The following DLGAP1 variants were observed in gnomAD, a reference collection of about 807,000 sequenced individuals.
DLGAP1 encodes disks large-associated protein 1.
A neutral mutation model predicts 90.8 loss-of-function variants in DLGAP1; 11 were observed. The observed-to-expected ratio is 0.12, with a 90% CI of 0.08 to 0.20. DLGAP1 has a LOEUF of 0.20. Among genes scored for constraint, DLGAP1 ranks in the 10% least tolerant of loss-of-function variants. The probability of loss-of-function intolerance (pLI) is 1.00; values close to 1 mark genes in which losing one functional copy is unlikely to be tolerated. For missense variants in DLGAP1, 1,050 were observed against 1,333.8 expected, an observed-to-expected ratio of 0.79 and a Z score of 3.31; for synonymous variants, 558 against 540.7, an observed-to-expected ratio of 1.03 and a Z score of -0.44.
At chr18:4,412,970 A>G (rs2082812114) in intron 1 of DLGAP1, among the ~76,000 whole-genome samples, 1 of 152,182 alleles carries the variant, frequency 6.6e-6, no homozygotes, top group African/African-American at 2.4e-5. Context: ...ATGCTATTAC[A>G]GAGCGCCAAG....
intron 11 of DLGAP1, among the ~76,000 whole-genome samples, chr18:3,504,722 A>G (rs886193134): frequency 5.3e-5 from 8 of 152,084 alleles, no homozygotes; most frequent in African/African-American, 1.9e-4. Flanking sequence ...ATAATGGGCA[A>G]CTCGTTCCCT....
At chr18:4,135,541 T>C (rs1422387987) in intron 2 of DLGAP1, among the ~76,000 whole-genome samples, 1 of 152,186 alleles carries the variant, frequency 6.6e-6, no homozygotes, top group Non-Finnish European at 1.5e-5. Context: ...AGCTTGATAG[T>C]GTTATTCATT....
intron 2 of DLGAP1, among the ~76,000 whole-genome samples, chr18:4,065,139 TA>T (rs1016669108): frequency 1.6e-4 from 25 of 151,916 alleles, no homozygotes; most frequent in South Asian, 4.1e-4. Context: ...CCATTCATGT[TA>T]AAAAAAATCT....
At chr18:4,395,446 C>T (rs2082420295) in intron 1 of DLGAP1, among the ~76,000 whole-genome samples, 1 of 152,052 alleles carries the variant, frequency 6.6e-6, no homozygotes. Flanking sequence ...TAGCATCTAC[C>T]TCAGTACGAG....
intron 6 of DLGAP1, among the ~76,000 whole-genome samples, chr18:3,735,467 T>A: frequency 6.6e-6 from 1 of 152,106 alleles, no homozygotes; most frequent in Non-Finnish European, 1.5e-5. Flanking sequence ...TCATGATCCA[T>A]CCAACTGAGG....
At chr18:4,221,899 A>C (rs2078085201) in intron 1 of DLGAP1, among the ~76,000 whole-genome samples, 1 of 152,178 alleles carries the variant, frequency 6.6e-6, no homozygotes, top group African/African-American at 2.4e-5. Flanking sequence ...GCAGCATTTC[A>C]AATAGTTGAT....
Position 4,306,043 on chromosome 18 carries a change from C to CACACAT in DLGAP1, c.-267+148962_-267+148963insATGTGT, listed in dbSNP as rs1249407709. On this transcript the variant is annotated intron_variant, in intron 1 of 12. Transcript: ENST00000315677. ...ACAGACACACACAAATACACACACA[C>CACACAT]ACACACACACACACACACACACGGG... Among the ~76,000 whole-genome samples the CACACAT allele has an allele frequency of 1.5e-4, 3 of 19,406 alleles. No individual in the cohort carries two copies. The Admixed American group carries it at 3.4e-3, about 22-fold the overall frequency. The allele number at this position is 19,406 out of a possible 152,430, so 12.7% of individuals were successfully genotyped here.
At chr18:3,924,406 T>G (rs955022971) in intron 3 of DLGAP1, among the ~76,000 whole-genome samples, 1 of 152,192 alleles carries the variant, frequency 6.6e-6, no homozygotes, top group African/African-American at 2.4e-5. Context: ...CACCCTATTC[T>G]CTCATGAAGC....
At chr18:3,912,610 T>C (rs561921372) in intron 3 of DLGAP1, among the ~76,000 whole-genome samples, 57 of 152,116 alleles carry the variant, frequency 3.7e-4, no homozygotes, top group African/African-American at 1.3e-3. Context: ...ATACATAAAA[T>C]AAATATCTGG....
chr18:3,681,995 G>A (rs2060528992), intron 7 of DLGAP1, among the ~76,000 whole-genome samples: 2 of 151,850 alleles, frequency 1.3e-5, no homozygotes, highest in South Asian at 4.1e-4. Context: ...GCACATGCCT[G>A]TAATCCCAGC....
rs556986754 is a variant in DLGAP1, at chr18:4,372,698, G to A, written c.-267+82308C>T. 1.8e-4 allele frequency among the ~76,000 whole-genome samples: 28 copies of A among 152,190 alleles called. 1 individual carries two copies. In the South Asian group the frequency reaches 5.6e-3, roughly 30 times the overall value. On this transcript the variant is annotated intron_variant, in intron 1 of 12. Transcript: ENST00000315677. ...TCCCAGCACTTTGGGAGGGTGAGGCGGGTGGATCACTTGAGGTCAAGGGTT... is the reference window on the plus strand; with the variant it reads ...TCCCAGCACTTTGGGAGGGTGAGGCAGGTGGATCACTTGAGGTCAAGGGTT...
intron 2 of DLGAP1, among the ~76,000 whole-genome samples, chr18:4,046,813 A>G (rs2075061466): frequency 6.6e-6 from 1 of 152,206 alleles, no homozygotes; most frequent in Non-Finnish European, 1.5e-5. Flanking sequence ...TAGAACATAT[A>G]TAGCTGGAGA....
chr18:3,883,248 C>T (rs1212655907), intron 3 of DLGAP1, among the ~76,000 whole-genome samples: 5 of 151,372 alleles, frequency 3.3e-5, no homozygotes, highest in African/African-American at 1.2e-4. Flanking sequence ...CATCTCAAAA[C>T]AAACAAACAA....
At chr18:3,756,235 G>A (rs966793539) in intron 5 of DLGAP1, among the ~76,000 whole-genome samples, 1 of 151,956 alleles carries the variant, frequency 6.6e-6, no homozygotes, top group African/African-American at 2.4e-5. Flanking sequence ...ATTTTTAGTA[G>A]AGACGGGGTT....
chr18:4,278,664 ATGTGTGTG>A (rs1016170520), intron 1 of DLGAP1, among the ~76,000 whole-genome samples: 1 of 151,474 alleles, frequency 6.6e-6, no homozygotes, highest in Non-Finnish European at 1.5e-5. Flanking sequence ...GTGTATGTGT[ATGTGTGTG>A]TGTGGGTGTG....
chr18:3,596,166 C>T (rs1267892162), intron 7 of DLGAP1, among the ~76,000 whole-genome samples: 3 of 146,148 alleles, frequency 2.1e-5, no homozygotes, highest in African/African-American at 7.5e-5. Context: ...TTTTTCTTTT[C>T]TTTTTTTTTT....
intron 3 of DLGAP1, among the ~76,000 whole-genome samples, chr18:3,977,434 G>GTTTTTTTTTTTTTTTTTTTTTTTTTTTTT (rs58599574): frequency 1.0e-5 from 1 of 95,332 alleles, no homozygotes; most frequent in African/African-American, 4.2e-5. Context: ...TTTATTCTGT[G>GTTTTTTTTTTTTTTTTTTTTTTTTTTTTT]TTTTTTTTTT....
At chr18:4,253,564 C>G (rs764508577) in intron 1 of DLGAP1, among the ~76,000 whole-genome samples, 28 of 152,098 alleles carry the variant, frequency 1.8e-4, no homozygotes, top group Non-Finnish European at 8.8e-5. Context: ...ATGCACACCA[C>G]CATGACAGCT....
At chr18:4,038,046 T>C (rs1443034106) in intron 2 of DLGAP1, among the ~76,000 whole-genome samples, 1 of 152,218 alleles carries the variant, frequency 6.6e-6, no homozygotes. Flanking sequence ...ATAGTCCTTC[T>C]ATAATCAATT....
Sources: gnomAD v4.1 joint callset for allele counts (sites outside exome capture counted in the v4.1 genomes callset) on GRCh38, gnomAD v4.1.1 for gene constraint, MANE v1.5 for transcripts, NCBI Gene and HGNC (gene_info 2026-07-23, HGNC 2026-07-21) for gene names.